The following CHD7 variants were observed in gnomAD, a reference collection of about 807,000 sequenced individuals.
CHD7 encodes the protein chromodomain helicase DNA binding protein 7.
Under a neutral mutation model 307.3 loss-of-function variants are expected in CHD7, and 24 were observed. The ratio of observed to expected loss-of-function variants is 0.08; its 90% confidence interval spans 0.06 to 0.11. The LOEUF (loss-of-function observed/expected upper bound fraction) is 0.11, where lower values mean the gene tolerates loss of function less well. Ranked by LOEUF, CHD7 falls within the 10% of genes least tolerant of loss-of-function variation. The probability of loss-of-function intolerance (pLI) is 1.00; values close to 1 mark genes in which losing one functional copy is unlikely to be tolerated. For missense variants in CHD7, 3,106 were observed against 3,727.1 expected, an observed-to-expected ratio of 0.83 and a Z score of 4.34; for synonymous variants, 1,363 against 1,349.9, an observed-to-expected ratio of 1.01 and a Z score of -0.21.
chr8:60,736,077 C>T (rs752170203), intron 1 of CHD7, among the ~76,000 whole-genome samples: 2 of 152,200 alleles, frequency 1.3e-5, no homozygotes, highest in Non-Finnish European at 2.9e-5. Context: ...GTCTTGGCCC[C>T]CTTGGCCAAC....
intron 1 of CHD7, among the ~76,000 whole-genome samples, chr8:60,691,939 T>G (rs984018353): frequency 6.6e-6 from 1 of 152,212 alleles, no homozygotes; most frequent in African/African-American, 2.4e-5. Context: ...TTGTTAAAAA[T>G]GCAGATTCCT....
chr8:60,740,478 C>T (rs907945463), intron 1 of CHD7, among the ~76,000 whole-genome samples: 14 of 152,174 alleles, frequency 9.2e-5, no homozygotes, highest in African/African-American at 3.4e-4. Flanking sequence ...TGCTCTGTGT[C>T]AGTGCAGACT....
At chr8:60,814,379 A>G (rs1395742303) in intron 7 of CHD7, among the ~76,000 whole-genome samples, 1 of 152,244 alleles carries the variant, frequency 6.6e-6, no homozygotes, top group East Asian at 1.9e-4. Context: ...CTGACTGCAC[A>G]TGTGCCTTTT....
chr8:60,802,888 G>T (rs987300515), intron 6 of CHD7, among the ~76,000 whole-genome samples: 2 of 152,132 alleles, frequency 1.3e-5, no homozygotes, highest in Non-Finnish European at 2.9e-5. Flanking sequence ...TGTGATTCAA[G>T]GTATGAATTT....
chr8:60,773,537 T>C (rs1810811655), intron 2 of CHD7, among the ~76,000 whole-genome samples: 1 of 152,064 alleles, frequency 6.6e-6, no homozygotes, highest in Non-Finnish European at 1.5e-5. Flanking sequence ...TTCAACTATA[T>C]GGCCCCTAAG....
intron 17 of CHD7, among the ~76,000 whole-genome samples, chr8:60,837,374 C>A (rs1364433606): frequency 1.3e-5 from 2 of 152,084 alleles, no homozygotes; most frequent in African/African-American, 2.4e-5. Flanking sequence ...GGTTGGAAGT[C>A]CAAAATCAGA....
At chr8:60,765,895 C>T (rs1038850220) in intron 2 of CHD7, among the ~76,000 whole-genome samples, 8 of 152,050 alleles carry the variant, frequency 5.3e-5, no homozygotes, top group Non-Finnish European at 1.2e-4. Flanking sequence ...ATCCTGATGA[C>T]CACCCAGACT....
intron 1 of CHD7, among the ~76,000 whole-genome samples, chr8:60,730,693 T>A (rs965948655): frequency 2.6e-5 from 4 of 152,136 alleles, no homozygotes; most frequent in African/African-American, 9.7e-5. Flanking sequence ...ACCCTGTCTC[T>A]ACTAAAAATA....
intron 2 of CHD7, among the ~76,000 whole-genome samples, chr8:60,765,249 A>G (rs200632941): frequency 1.3e-5 from 2 of 151,696 alleles, no homozygotes; most frequent in Non-Finnish European, 2.9e-5. Context: ...ATGCATGCAC[A>G]CACACATGTA....
At chr8:60,768,940 G>A (rs1291068616) in intron 2 of CHD7, among the ~76,000 whole-genome samples, 2 of 151,992 alleles carry the variant, frequency 1.3e-5, no homozygotes, top group African/African-American at 4.8e-5. Flanking sequence ...ACCCCAAATT[G>A]TATTTTAAAT....
chr8:60,808,080 G>T, intron 6 of CHD7, 137 bp from the exon 7 acceptor site: 2 of 659,654 alleles, frequency 3.0e-6, no homozygotes, highest in South Asian at 3.6e-5. Flanking sequence ...CCCAGCACAC[G>T]GTGTGCTCAT....
At chr8:60,773,203 C>T (rs1036005750) in intron 2 of CHD7, among the ~76,000 whole-genome samples, 11 of 152,194 alleles carry the variant, frequency 7.2e-5, no homozygotes, top group African/African-American at 2.7e-4. Context: ...GTTACTCACT[C>T]TTACTGCAAT....
chr8:60,799,988 T>C (rs1812217013), intron 4 of CHD7, among the ~76,000 whole-genome samples: 1 of 152,126 alleles, frequency 6.6e-6, no homozygotes, highest in Non-Finnish European at 1.5e-5. Flanking sequence ...AAGATTAATT[T>C]AAAAAAATTC....
chr8:60,843,504 T>C (rs1249272386), intron 21 of CHD7, among the ~76,000 whole-genome samples: 2 of 152,230 alleles, frequency 1.3e-5, no homozygotes, highest in Non-Finnish European at 2.9e-5. Context: ...TGAACACCTA[T>C]GTGCTAGGCA....
At position 60,741,382 on chromosome 8, in the gene CHD7, C is replaced by A; in HGVS notation, c.-51C>A. The A allele has an allele frequency of 2.9e-6, 4 of 1,364,416 alleles. No individual in the cohort carries two copies. Among genetic ancestry groups the A allele is most frequent in the Admixed American group, 2.1e-5 (1 of 47,064 alleles). The allele number at this position is 1,364,416 out of a possible 1,614,324, so 84.5% of individuals were successfully genotyped here. ...GGGCAAACACCTCAGTGAAGTGAAG[C>A]ACAGGCAAGCTCCTGAGCTGTGGTT... On this transcript the variant is annotated 5_prime_UTR_variant, in exon 2 of 38. Transcript: ENST00000423902.
At chr8:60,864,950 C>A in intron 37 of CHD7, 66 bp from the exon 38 acceptor site, 1 of 1,458,766 alleles carries the variant, frequency 6.9e-7, no homozygotes, top group Non-Finnish European at 9.3e-7. Context: ...ACCACAGAGG[C>A]TCACATTGAG....
At chr8:60,798,712 A>G (rs1239969227) in intron 4 of CHD7, among the ~76,000 whole-genome samples, 1 of 152,202 alleles carries the variant, frequency 6.6e-6, no homozygotes, top group Admixed American at 6.5e-5. Context: ...TTTTGTGTCA[A>G]AATTTTCCTC....
At chr8:60,706,685 T>C (rs1807036975) in intron 1 of CHD7, among the ~76,000 whole-genome samples, 1 of 152,170 alleles carries the variant, frequency 6.6e-6, no homozygotes, top group African/African-American at 2.4e-5. Flanking sequence ...GATTTGGTGA[T>C]TTAAGAAGTT....
intron 1 of CHD7, among the ~76,000 whole-genome samples, chr8:60,699,897 G>A (rs546880105): frequency 1.5e-4 from 23 of 151,044 alleles, no homozygotes; most frequent in African/African-American, 4.9e-4. Flanking sequence ...GTGCAATGGC[G>A]TGATTTCAGC....
Sources: gnomAD v4.1 joint callset for allele counts (sites outside exome capture counted in the v4.1 genomes callset) on GRCh38, gnomAD v4.1.1 for gene constraint, MANE v1.5 for transcripts, NCBI Gene and HGNC (gene_info 2026-07-23, HGNC 2026-07-21) for gene names.